Variants in DNAJB1 observed in about 807,000 individuals in gnomAD.
DNAJB1 encodes the protein DnaJ heat shock protein family (Hsp40) member B1.
In DNAJB1, 14 loss-of-function variants were observed where a neutral mutation model predicts 24.0. The observed-to-expected ratio is 0.58, with a 90% CI of 0.39 to 0.91. DNAJB1 has a LOEUF of 0.91. Among genes scored for constraint, DNAJB1 ranks in the 40% least tolerant of loss-of-function variants. The pLI is 0.00. For synonymous variants in DNAJB1, 262 were observed against 174.4 expected (o/e 1.50, Z -3.96); for missense variants, 517 against 458.1 (o/e 1.13, Z -1.17).
upstream of DNAJB1, among the ~76,000 whole-genome samples, chr19:14,551,593 GT>G (rs2073508272): frequency 6.6e-6 from 1 of 152,158 alleles, no homozygotes; most frequent in South Asian, 2.1e-4. Flanking sequence ...CCCATTGGCT[GT>G]CTTAGCTAGT....
chr19:14,542,347 G>GTTTTGTTTT (rs2073125931), intron 1 of DNAJB1, among the ~76,000 whole-genome samples: 1 of 43,282 alleles, frequency 2.3e-5, no homozygotes, highest in South Asian at 9.3e-4. Flanking sequence ...ATGCCATAGT[G>GTTTTGTTTT]TTTTTTTTTT....
At chr19:14,537,744 GTTTTT>G (rs533380690) in intron 1 of DNAJB1, among the ~76,000 whole-genome samples, 2 of 126,272 alleles carry the variant, frequency 1.6e-5, no homozygotes, top group African/African-American at 2.9e-5. Context: ...AATTATCAGT[GTTTTT>G]TTTTTTTTTT....
chr19:14,517,952 G>T, intron 1 of DNAJB1, 187 bp downstream of exon 1: 1 of 549,200 alleles, frequency 1.8e-6, no homozygotes, highest in Non-Finnish European at 2.9e-6. Flanking sequence ...GAGCGGCTGG[G>T]CCAAGGCTCC....
intron 2 of DNAJB1, among the ~76,000 whole-genome samples, chr19:14,527,101 G>C (rs1470021251): frequency 6.7e-6 from 1 of 150,032 alleles, no homozygotes; most frequent in Non-Finnish European, 1.5e-5. Context: ...GAAGGGCAGG[G>C]AGTGAGGCCT....
chr19:14,542,292 T>G (rs1026988079), intron 1 of DNAJB1, among the ~76,000 whole-genome samples: 1 of 148,028 alleles, frequency 6.8e-6, no homozygotes, highest in Non-Finnish European at 1.5e-5. Flanking sequence ...CCTAAAAGAT[T>G]CCCTATTGGA....
chr19:14,535,986 A>AT (rs1369045815), intron 1 of DNAJB1, among the ~76,000 whole-genome samples: 10 of 151,838 alleles, frequency 6.6e-5, no homozygotes, highest in African/African-American at 2.2e-4. Flanking sequence ...TACTTAGGCC[A>AT]TTTCTTTGCT....
In DNAJB1 at chr19:14,557,929, G is replaced by T. The variant is rs191247451; in HGVS notation, c.-2166+2102C>A. Among the ~76,000 whole-genome samples, 257 of 151,726 alleles carry T rather than the reference G, an allele frequency of 1.7e-3. 1 individual carries two copies. Among genetic ancestry groups the T allele is most frequent in the African/African-American group, 6.1e-3 (251 of 41,376 alleles). ...CACCACCGCACCCGGCTAATTTTTT[G>T]TATTTTTAGTAGAGATGGGGTTTCA... On this transcript the variant is annotated intron_variant, in intron 1 of 5. Transcript: ENST00000679223.
intron 1 of DNAJB1, among the ~76,000 whole-genome samples, chr19:14,535,374 G>A (rs1465766711): frequency 6.6e-6 from 1 of 150,476 alleles, no homozygotes; most frequent in Non-Finnish European, 1.5e-5. Context: ...TGAGTGTGGT[G>A]GTGGGTACCT....
intron 1 of DNAJB1, among the ~76,000 whole-genome samples, chr19:14,538,747 G>A (rs2072993022): frequency 6.6e-6 from 1 of 151,488 alleles, no homozygotes; most frequent in African/African-American, 2.4e-5. Context: ...TGGCCAGGCT[G>A]GTCTTGAACT....
At chr19:14,529,611 G>C (rs747173264), upstream of DNAJB1, 1 of 1,599,464 alleles carries the variant, frequency 6.3e-7, no homozygotes, top group Non-Finnish European at 8.6e-7. Flanking sequence ...CTATCGCTGC[G>C]GTTGCGAGCG....
At position 14,517,028 on chromosome 19, in the gene DNAJB1, G is replaced by C; in HGVS notation, c.230C>G (p.Pro77Arg). 1 of 1,610,116 alleles carries C rather than the reference G, an allele frequency of 6.2e-7. No individual in the cohort carries two copies. The highest frequency in any genetic ancestry group is 8.5e-7 in the Non-Finnish European group (1 of 1,178,842). Residue 77 changes from proline (P) to arginine (R), a missense_variant, in exon 2 of 3, where the codon CCC becomes CGC. Physicochemically the swap from Pro to Arg is moderately radical, Grantham distance 103. Transcript: ENST00000254322. ...GGCACCACCGCCGCTACCGCCACTG[G>C]GGCCACTCCCCTTTAGGCCTGAAAA... is the stretch of plus-strand genomic sequence containing the variant. ...YGEEGLKGSG[P>R]SGGSGGGANG...
chr19:14,553,654 C>A (rs540249182), upstream of DNAJB1, among the ~76,000 whole-genome samples: 1 of 152,220 alleles, frequency 6.6e-6, no homozygotes, highest in African/African-American at 2.4e-5. Context: ...GAGGGCTGAG[C>A]CGCTGAGCCG....
At chr19:14,554,514 T>C (rs1351693157), upstream of DNAJB1, among the ~76,000 whole-genome samples, 2 of 152,144 alleles carry the variant, frequency 1.3e-5, no homozygotes, top group Admixed American at 6.5e-5. Flanking sequence ...GGGAGAGGAC[T>C]GGGAAGCACC....
intron 1 of DNAJB1, among the ~76,000 whole-genome samples, chr19:14,544,372 A>G (rs1171693137): frequency 6.6e-6 from 1 of 151,960 alleles, no homozygotes. Context: ...TGTATGTTTG[A>G]TAGAGGCCAC....
upstream of DNAJB1, chr19:14,531,142 C>G (rs1191847224): frequency 1.3e-5 from 2 of 152,072 alleles, no homozygotes; most frequent in African/African-American, 2.4e-5. Flanking sequence ...TTAAGCGATT[C>G]TCCTGCCTCA....
upstream of DNAJB1, chr19:14,529,490 G>A (rs1281932591): frequency 1.4e-6 from 1 of 703,452 alleles, no homozygotes; most frequent in African/African-American, 1.8e-5. Context: ...CCTAGTCTTG[G>A]TTCGGACCGG....
At chr19:14,522,779 A>G (rs1184650281), upstream of DNAJB1, among the ~76,000 whole-genome samples, 1 of 151,906 alleles carries the variant, frequency 6.6e-6, no homozygotes, top group Non-Finnish European at 1.5e-5. Context: ...TGACTGATAC[A>G]GGAACTATGC....
In DNAJB1 at chr19:14,515,903, G is replaced by C; in HGVS notation, c.*37C>G. The stretch of plus-strand genomic sequence containing the variant: ...AAGGTCCAGAAATCCTTGAGCTCTG[G>C]AAAGGTCCCTGGTCAGTCCTTGGGG... On this transcript the variant is annotated 3_prime_UTR_variant, in exon 3 of 3. Coordinates refer to ENST00000254322, the MANE Select transcript of DNAJB1 (RefSeq NM_006145.3). 2 of 1,591,496 alleles carry C rather than the reference G, an allele frequency of 1.3e-6. No homozygotes were observed. The highest frequency in any genetic ancestry group is 1.7e-6 in the Non-Finnish European group (2 of 1,169,640).
chr19:14,544,255 C>G (rs980290936), intron 1 of DNAJB1, among the ~76,000 whole-genome samples: 1 of 151,936 alleles, frequency 6.6e-6, no homozygotes, highest in Non-Finnish European at 1.5e-5. Context: ...GAGTTCTCCA[C>G]ACAGCACTTG....
Sources: gnomAD v4.1 joint callset for allele counts (sites outside exome capture counted in the v4.1 genomes callset) on GRCh38, gnomAD v4.1.1 for gene constraint, MANE v1.5 for transcripts, NCBI Gene and HGNC (gene_info 2026-07-23, HGNC 2026-07-21) for gene names.